Variants in UMOD observed in about 807,000 individuals in gnomAD.
The protein encoded by UMOD is Tamm-Horsfall urinary glycoprotein.
UMOD carries 64 observed loss-of-function variants against 66.0 expected under a neutral mutation model. That is an observed-to-expected ratio of 0.97 (90% CI 0.79 to 1.19). The LOEUF is 1.19. Among genes scored for constraint, UMOD ranks in the 50% most tolerant of loss-of-function variants. UMOD has a pLI of 0.00. For missense variants in UMOD, 764 were observed against 850.9 expected, an observed-to-expected ratio of 0.90 and a Z score of 1.27; for synonymous variants, 398 against 352.7, an observed-to-expected ratio of 1.13 and a Z score of -1.44.
At chr16:20,335,946 G>A (rs1233750486) in intron 9 of UMOD, among the ~76,000 whole-genome samples, 8 of 152,216 alleles carry the variant, frequency 5.3e-5, no homozygotes, top group Admixed American at 5.2e-4. Context: ...TCCTTCCTGG[G>A]TGTAGGCTGA....
chr16:20,349,266 C>A, intron 2 of UMOD, 54 bp from the exon 3 acceptor site: 11 of 1,573,324 alleles, frequency 7.0e-6, no homozygotes, highest in Non-Finnish European at 9.5e-6. Context: ...CCATGGCCAC[C>A]CAGAGATCCT....
Position 20,348,848 on chromosome 16 carries a change from G to A in UMOD, c.453C>T (p.Ser151=), listed in dbSNP as rs1965741637. The change falls in exon 3 of 11, where the codon TCC becomes TCT. Residue 151 remains serine, a synonymous_variant. Transcript: ENST00000396138. ...CCAACCCCGGCCCGCAGGAGCCCGG[G>A]GAGCACTCACAGTGCCATCCATCCC... ...YRGDGWHCEC[S]PGSCGPGLDC... is the part of the protein sequence containing the mutation. 3 of 1,547,880 alleles carry A rather than the reference G, an allele frequency of 1.9e-6. No homozygotes were observed. Among genetic ancestry groups the A allele is most frequent in the Non-Finnish European group, 2.6e-6 (3 of 1,147,088 alleles).
chr16:20,341,811 G>A (rs1001361045), intron 6 of UMOD, among the ~76,000 whole-genome samples: 7 of 152,202 alleles, frequency 4.6e-5, no homozygotes, highest in African/African-American at 1.7e-4. Flanking sequence ...TTGCGTCCTG[G>A]CCTCCATCGT....
intron 4 of UMOD, 61 bp from the exon 5 acceptor site, chr16:20,346,395 C>G (rs1045074254): frequency 1.3e-6 from 2 of 1,564,510 alleles, no homozygotes; most frequent in African/African-American, 2.7e-5. Context: ...CAGCACATCC[C>G]CAGGGGCCAG....
chr16:20,342,586 C>A (rs1338851075), intron 6 of UMOD: 1 of 151,904 alleles, frequency 6.6e-6, no homozygotes, highest in African/African-American at 2.4e-5. Context: ...CATGGGCAAG[C>A]TTCGAAGGGA....
chr16:20,343,741 T>A (rs1965368560), intron 6 of UMOD, among the ~76,000 whole-genome samples: 1 of 152,192 alleles, frequency 6.6e-6, no homozygotes, highest in Admixed American at 6.5e-5. Flanking sequence ...AAAGCCAGGC[T>A]TAATAACTCA....
rs114514819 is a variant in UMOD, at chr16:20,344,954, G to A, written c.1183-782C>T. Among the ~76,000 whole-genome samples the A allele has an allele frequency of 7.6e-3, 1,160 of 152,242 alleles. 15 individuals are homozygous for A. Among genetic ancestry groups the A allele is most frequent in the African/African-American group, 0.027 (1,111 of 41,542 alleles). ...CTCTCTTGAAAACTGAAAACCATAT[G>A]CCAAGTCACCATCAATGGAATTTCA... On this transcript the variant is annotated intron_variant, in intron 5 of 10. Transcript: ENST00000396138.
upstream of UMOD, among the ~76,000 whole-genome samples, chr16:20,354,464 G>A (rs1305887570): frequency 6.6e-6 from 1 of 152,092 alleles, no homozygotes; most frequent in Admixed American, 6.6e-5. Context: ...AAGTGGAAAC[G>A]ATCTCATTAT....
At chr16:20,335,613 G>T in intron 9 of UMOD, 93 bp from the exon 10 acceptor site, 1 of 1,294,328 alleles carries the variant, frequency 7.7e-7, no homozygotes, top group Non-Finnish European at 1.1e-6. Flanking sequence ...TTTTCACTTC[G>T]CAGCCAGACT....
rs977074265 is a variant in UMOD, at chr16:20,348,372, AC to A, written c.866-43del. The stretch of plus-strand genomic sequence containing the variant: ...ACAGACAGACAATCAATAAGGACGC[AC>A]CCCCGTCCTCTGCAGTGCCTTTCCA... On this transcript the variant is annotated intron_variant, in intron 3 of 10. Transcript: ENST00000396138. 5 of 1,613,526 alleles carry A rather than the reference AC, an allele frequency of 3.1e-6. No homozygotes were observed. In the Admixed American group the frequency reaches 6.7e-5, roughly 22 times the overall value.
Position 20,344,084 on chromosome 16 carries a change from G to C in UMOD, c.1271C>G (p.Ala424Gly). ...IRDLNIKINF[A>G]CSYPLDMKVS... ...TTTCATGTCCAGGGGGTAGGAGCAT[G>C]CAAAGTTGATTTTGATGTTGAGGTC... Residue 424 changes from alanine (A) to glycine (G), a missense_variant, in exon 6 of 11, where the codon GCA (alanine) becomes GGA (glycine). Physicochemically the swap from Ala to Gly is moderately conservative, Grantham distance 60. Transcript: ENST00000396138. 8.7e-6 allele frequency: 14 copies of C among 1,613,852 alleles called. No homozygotes were observed. The highest frequency in any genetic ancestry group is 1.2e-5 in the Non-Finnish European group (14 of 1,179,964).
At chr16:20,343,997 G>A (rs554064160) in intron 6 of UMOD, 27 bp downstream of exon 6, 2 of 1,612,602 alleles carry the variant, frequency 1.2e-6, no homozygotes, top group East Asian at 4.5e-5. Context: ...ACCATCTAGG[G>A]GCCCTAGGGA....
At chr16:20,338,076 G>A (rs577421283) in intron 7 of UMOD, among the ~76,000 whole-genome samples, 10 of 152,296 alleles carry the variant, frequency 6.6e-5, no homozygotes, top group Admixed American at 2.6e-4. Flanking sequence ...AGTTGATTTC[G>A]GAGGGAGGCT....
At chr16:20,346,518 A>G (rs2141667466) in intron 4 of UMOD, among the ~76,000 whole-genome samples, 184 bp from the exon 5 acceptor site, 1 of 152,374 alleles carries the variant, frequency 6.6e-6, no homozygotes, top group South Asian at 2.1e-4. Flanking sequence ...ATCAATGGAT[A>G]CATCCACTGA....
intron 10 of UMOD, 34 bp downstream of exon 10, chr16:20,335,448 A>G (rs1449631780): frequency 2.5e-6 from 4 of 1,610,746 alleles, no homozygotes; most frequent in South Asian, 1.1e-5. Flanking sequence ...AGAGTTCTGG[A>G]ACAGGTCCCA....
At chr16:20,338,337 CT>C (rs1567301222) in intron 7 of UMOD, among the ~76,000 whole-genome samples, 1 of 152,166 alleles carries the variant, frequency 6.6e-6, no homozygotes, top group African/African-American at 2.4e-5. Flanking sequence ...CTTGTCTCCT[CT>C]TTTCATGCCT....
rs751660869 is a variant in UMOD, at chr16:20,346,231, C to T, written c.1077G>A (p.Met359Ile). ...LKSLGFDKVF[M>I]YLSDSRCSGF... Reference sequence around the variant, plus strand: ...CCGAGCACCGGCTGTCACTCAGGTACATGAAGACCTTGTCGAAGCCCAGAC... The same window carrying T: ...CCGAGCACCGGCTGTCACTCAGGTATATGAAGACCTTGTCGAAGCCCAGAC... Residue 359 changes from methionine (M) to isoleucine (I), a missense_variant, in exon 5 of 11, where the codon ATG (methionine) becomes ATA (isoleucine). By Grantham distance (10) the Met-to-Ile change is conservative. Coordinates refer to ENST00000396138, the MANE Select transcript of UMOD (RefSeq NM_003361.4). 2.5e-6 allele frequency: 4 copies of T among 1,614,268 alleles called. No homozygotes were observed. The highest frequency in any genetic ancestry group is 3.4e-6 in the Non-Finnish European group (4 of 1,180,056).
upstream of UMOD, among the ~76,000 whole-genome samples, chr16:20,355,471 T>C (rs1405519668): frequency 6.6e-6 from 1 of 151,496 alleles, no homozygotes; most frequent in African/African-American, 2.4e-5. Context: ...TGGCTCAGTC[T>C]TGGCTCACTG....
chr16:20,344,113 G>C lies in UMOD; in HGVS notation c.1242C>G (p.Ile414Met). 6.6e-7 allele frequency: 1 copy of C among 1,518,656 alleles called. No individual in the cohort carries two copies. The highest frequency in any genetic ancestry group is 8.9e-7 in the Non-Finnish European group (1 of 1,119,344). The allele number at this position is 1,518,656 out of a possible 1,614,324, so 94.1% of individuals were successfully genotyped here. The stretch of plus-strand genomic sequence containing the variant: ...AGTTGATTTTGATGTTGAGGTCACG[G>C]ATGATGATCTCATCTGCCAGGTAGA... ...NTLYLADEII[I>M]RDLNIKINFA... is the part of the protein sequence containing the mutation. The change falls in exon 6 of 11, where the codon ATC (isoleucine) becomes ATG (methionine). Residue 414 changes from isoleucine to methionine, a missense_variant. Physicochemically the swap from Ile to Met is conservative, Grantham distance 10. Transcript: ENST00000396138.
Sources: gnomAD v4.1 joint callset for allele counts (sites outside exome capture counted in the v4.1 genomes callset) on GRCh38, gnomAD v4.1.1 for gene constraint, MANE v1.5 for transcripts, NCBI Gene and HGNC (gene_info 2026-07-23, HGNC 2026-07-21) for gene names.